Variants in ATF2 observed in about 807,000 individuals in gnomAD.
The protein encoded by ATF2 is cyclic AMP-dependent transcription factor ATF-2.
In ATF2, 24 loss-of-function variants were observed where a neutral mutation model predicts 60.6. The ratio of observed to expected loss-of-function variants is 0.40; its 90% CI spans 0.29 to 0.56. ATF2 has a LOEUF of 0.56. ATF2 is among the 20% of genes least tolerant of loss of function. The probability of loss-of-function intolerance (pLI) is 0.54; values close to 1 mark genes in which losing one functional copy is unlikely to be tolerated. For synonymous variants in ATF2, 206 were observed against 215.4 expected (o/e 0.96, Z 0.38); for missense variants, 433 against 607.7 (o/e 0.71, Z 3.02).
At chr2:175,076,207 A>T (rs541193430) in intron 13 of ATF2, among the ~76,000 whole-genome samples, 2 of 152,244 alleles carry the variant, frequency 1.3e-5, no homozygotes, top group Middle Eastern at 6.8e-3. Context: ...ATTTTTCAAC[A>T]TCTGCCTCAA....
intron 12 of ATF2, among the ~76,000 whole-genome samples, chr2:175,084,618 C>T (rs747709720): frequency 3.9e-5 from 5 of 126,662 alleles, no homozygotes; most frequent in Non-Finnish European, 8.2e-5. Context: ...ACATTGTGCA[C>T]ATGTACGCTA....
At chr2:175,084,811 A>C (rs1694038513) in intron 12 of ATF2, among the ~76,000 whole-genome samples, 1 of 152,114 alleles carries the variant, frequency 6.6e-6, no homozygotes, top group Non-Finnish European at 1.5e-5. Context: ...TACCTCTACC[A>C]GACTGGGAAT....
At chr2:175,092,960 T>C (rs1694660477) in intron 12 of ATF2, 101 bp downstream of exon 12, 1 of 1,219,754 alleles carries the variant, frequency 8.2e-7, no homozygotes, top group Non-Finnish European at 1.2e-6. Flanking sequence ...ACACCCAATA[T>C]CATGTCCTAA....
At chr2:175,091,655 G>C (rs943238404) in intron 12 of ATF2, among the ~76,000 whole-genome samples, 1 of 152,102 alleles carries the variant, frequency 6.6e-6, no homozygotes, top group African/African-American at 2.4e-5. Context: ...CTGAGGTCAG[G>C]AGTTCGAGAC....
At chr2:175,150,452 GA>G (rs1050141121) in intron 2 of ATF2, among the ~76,000 whole-genome samples, 99 of 151,592 alleles carry the variant, frequency 6.5e-4, no homozygotes, top group Non-Finnish European at 7.1e-4. Context: ...CTTGAGATTA[GA>G]AAAAAAAATT....
chr2:175,164,141 C>T (rs1700207448), intron 1 of ATF2, among the ~76,000 whole-genome samples: 1 of 149,148 alleles, frequency 6.7e-6, no homozygotes, highest in East Asian at 2.0e-4. Context: ...TCAAGGTTGT[C>T]AAAAAGTCTC....
intron 13 of ATF2, among the ~76,000 whole-genome samples, chr2:175,077,427 G>A (rs908376937): frequency 1.3e-5 from 2 of 152,138 alleles, no homozygotes; most frequent in African/African-American, 4.8e-5. Context: ...GTGTAAAAGT[G>A]TTCCTATTTC....
At chr2:175,112,034 A>T (rs1696231620) in intron 9 of ATF2, among the ~76,000 whole-genome samples, 2 of 152,210 alleles carry the variant, frequency 1.3e-5, no homozygotes. Context: ...TTCAACAATG[A>T]ATTTTGCTTT....
At chr2:175,109,430 C>G (rs1357409501) in intron 10 of ATF2, among the ~76,000 whole-genome samples, 1 of 152,084 alleles carries the variant, frequency 6.6e-6, no homozygotes, top group Non-Finnish European at 1.5e-5. Context: ...TCTATGGTTA[C>G]AAACATCAGA....
chr2:175,167,850 CCAAAGCCCACACCG>C (rs1272873305), intron 1 of ATF2, 186 bp downstream of exon 1: 2 of 407,888 alleles, frequency 4.9e-6, no homozygotes, highest in Non-Finnish European at 1.0e-5. Context: ...AGTCAGGTTC[CCAAAGCCCACACCG>C]CGCGGGCCGC....
intron 3 of ATF2, among the ~76,000 whole-genome samples, chr2:175,131,284 A>T (rs1314006726): frequency 2.0e-5 from 3 of 152,246 alleles, no homozygotes; most frequent in East Asian, 1.9e-4. Flanking sequence ...AGTCCAACAC[A>T]TAAAGAACTT....
At chr2:175,155,833 T>A (rs2105342104) in intron 1 of ATF2, among the ~76,000 whole-genome samples, 1 of 152,354 alleles carries the variant, frequency 6.6e-6, no homozygotes, top group East Asian at 1.9e-4. Flanking sequence ...ATTTAGGTAC[T>A]TATAAAAGTG....
rs144335867 is a variant in ATF2 at position 175,079,805 on chromosome 2, T to C, written c.1291+855A>G. ...ATTAAAATGAAGTGGATACATATGG[T>C]TGAAACAATCTTCACATTTACTAAT... On this transcript the variant is annotated intron_variant, in intron 13 of 13. Coordinates refer to ENST00000264110, the MANE Select transcript of ATF2 (RefSeq NM_001880.4). 1.1e-3 allele frequency among the ~76,000 whole-genome samples: 166 copies of C among 152,288 alleles called. 2 individuals are homozygous for C. The East Asian group carries it at 0.024, about 22-fold the overall frequency.
chr2:175,118,061 G>T lies in ATF2; in HGVS notation c.376C>A (p.Pro126Thr). ...TPIIRSKIEE[P>T]SVVETTHQDS... is the part of the protein sequence containing the mutation. ...TGGTGAGTTGTTTCTACAACAGAAG[G>T]CTCCTCAATTTTGCTTCTTATGATA... The change falls in exon 7 of 14, where the codon CCT (proline) becomes ACT (threonine). Residue 126 changes from proline to threonine, a missense_variant. Transcript: ENST00000264110. 2 of 1,611,980 alleles carry T rather than the reference G, an allele frequency of 1.2e-6. No homozygotes were observed. The highest frequency in any genetic ancestry group is 1.7e-6 in the Non-Finnish European group (2 of 1,178,580).
chr2:175,106,543 A>G (rs917572313), intron 10 of ATF2, among the ~76,000 whole-genome samples: 6 of 151,716 alleles, frequency 4.0e-5, no homozygotes, highest in African/African-American at 1.5e-4. Context: ...CAACAAAAAA[A>G]AAAGAATTAC....
rs781772910 is a variant in ATF2, at chr2:175,118,054, A to G, written c.383T>C (p.Val128Ala). The G allele has an allele frequency of 1.9e-6, 3 of 1,612,236 alleles. No homozygotes were observed. Among genetic ancestry groups the G allele is most frequent in the Non-Finnish European group, 2.5e-6 (3 of 1,178,750 alleles). ...ACTATCCTGGTGAGTTGTTTCTACA[A>G]CAGAAGGCTCCTCAATTTTGCTTCT... ...IIRSKIEEPS[V>A]VETTHQDSPL... The change falls in exon 7 of 14, where the codon GTT becomes GCT. Residue 128 changes from valine (V) to alanine (A), a missense_variant. Transcript: ENST00000264110.
At chr2:175,150,102 GGTATCA>G in intron 2 of ATF2, among the ~76,000 whole-genome samples, 1 of 152,024 alleles carries the variant, frequency 6.6e-6, no homozygotes, top group Non-Finnish European at 1.5e-5. Context: ...ATTTAATGCA[GGTATCA>G]CAGAGTAAGA....
At chr2:175,149,148 G>T (rs1699141900) in intron 2 of ATF2, among the ~76,000 whole-genome samples, 1 of 152,122 alleles carries the variant, frequency 6.6e-6, no homozygotes, top group Non-Finnish European at 1.5e-5. Flanking sequence ...TTAATAACAT[G>T]GTAAAATGTT....
chr2:175,089,478 T>C (rs62184461), intron 12 of ATF2, among the ~76,000 whole-genome samples: 6,278 of 152,256 alleles, frequency 0.041, 150 homozygotes, highest in Admixed American at 0.096. Context: ...TAAGCCTACA[T>C]GTCACATGAA....
Sources: gnomAD v4.1 joint callset for allele counts (sites outside exome capture counted in the v4.1 genomes callset) on GRCh38, gnomAD v4.1.1 for gene constraint, MANE v1.5 for transcripts, NCBI Gene and HGNC (gene_info 2026-07-23, HGNC 2026-07-21) for gene names.